The following NTRK3 variants were observed in gnomAD, a reference collection of about 807,000 sequenced individuals.
NTRK3 encodes the protein NT-3 growth factor receptor.
In NTRK3, 24 loss-of-function variants were observed where a neutral mutation model predicts 91.7. That is an observed-to-expected ratio of 0.26 (90% CI 0.19 to 0.37). NTRK3 has a LOEUF of 0.37. Among genes scored for constraint, NTRK3 ranks in the 10% least tolerant of loss-of-function variants. The pLI is 1.00. For synonymous variants in NTRK3, 483 were observed against 404.0 expected, an observed-to-expected ratio of 1.20 and a Z score of -2.34; for missense variants, 880 against 1,068.9, an observed-to-expected ratio of 0.82 and a Z score of 2.46.
intron 10 of NTRK3, among the ~76,000 whole-genome samples, chr15:88,129,856 T>G (rs1034048149): frequency 6.6e-6 from 1 of 152,172 alleles, no homozygotes; most frequent in Admixed American, 6.5e-5. Context: ...CCCCTAGTAC[T>G]TCAGAATGTG....
chr15:88,025,239 A>G (rs749739969), intron 14 of NTRK3, among the ~76,000 whole-genome samples: 6 of 152,244 alleles, frequency 3.9e-5, no homozygotes, highest in Non-Finnish European at 7.3e-5. Context: ...TATTCTTACC[A>G]CATGACCAGG....
chr15:88,239,510 A>G lies in NTRK3; in HGVS notation c.248+16396T>C, dbSNP rs146737981. Among the ~76,000 whole-genome samples, 4 of 152,296 alleles carry G rather than the reference A, an allele frequency of 2.6e-5. No individual in the cohort carries two copies. The East Asian group carries it at 7.7e-4, about 29-fold the overall frequency. ...GAGTCTGGAATGGCATTCTGTAACA[A>G]GTGTGTTTTCATCTCTCAACTACAG... On this transcript the variant is annotated intron_variant, in intron 3 of 18. Transcript: ENST00000394480.
At chr15:88,151,913 A>G (rs751555667) in intron 5 of NTRK3, among the ~76,000 whole-genome samples, 8 of 152,164 alleles carry the variant, frequency 5.3e-5, no homozygotes, top group Non-Finnish European at 5.9e-5. Context: ...CAGCTCCTGG[A>G]TGCTCACTCC....
chr15:88,212,602 A>T (rs181301409), intron 3 of NTRK3, among the ~76,000 whole-genome samples: 125 of 152,206 alleles, frequency 8.2e-4, no homozygotes, highest in Middle Eastern at 3.4e-3. Flanking sequence ...ACAGTAACTG[A>T]GACTTGCACT....
chr15:87,913,946 C>T (rs2067269817), intron 17 of NTRK3, among the ~76,000 whole-genome samples: 1 of 152,266 alleles, frequency 6.6e-6, no homozygotes, highest in African/African-American at 2.4e-5. Flanking sequence ...AAGAATGAGC[C>T]TTGGAACTGG....
intron 3 of NTRK3, among the ~76,000 whole-genome samples, chr15:88,191,318 G>T (rs1314624228): frequency 6.6e-6 from 1 of 152,088 alleles, no homozygotes; most frequent in Non-Finnish European, 1.5e-5. Flanking sequence ...CTACCGAGTA[G>T]CTGGGACTAT....
intron 10 of NTRK3, among the ~76,000 whole-genome samples, chr15:88,131,681 G>A (rs572375685): frequency 2.6e-5 from 4 of 152,346 alleles, no homozygotes; most frequent in Non-Finnish European, 4.4e-5. Flanking sequence ...ATATTCTCAC[G>A]TTAGCCAAAT....
chr15:88,196,084 T>C (rs114218219), intron 3 of NTRK3, among the ~76,000 whole-genome samples: 1 of 152,226 alleles, frequency 6.6e-6, no homozygotes, highest in Non-Finnish European at 1.5e-5. Flanking sequence ...TAAAGACTTA[T>C]GAGGGCAATA....
At chr15:88,031,825 T>C (rs915994716) in intron 14 of NTRK3, among the ~76,000 whole-genome samples, 28 of 152,090 alleles carry the variant, frequency 1.8e-4, no homozygotes, top group African/African-American at 5.8e-4. Flanking sequence ...GTACTCCAAG[T>C]ACAGAGAGCT....
chr15:87,994,966 C>T (rs1224031357), intron 14 of NTRK3, among the ~76,000 whole-genome samples: 1 of 152,162 alleles, frequency 6.6e-6, no homozygotes, highest in Non-Finnish European at 1.5e-5. Flanking sequence ...TAGATATAGA[C>T]ATGGATAGAT....
chr15:87,898,471 T>G (rs2066262279), intron 17 of NTRK3, among the ~76,000 whole-genome samples: 1 of 152,062 alleles, frequency 6.6e-6, no homozygotes, highest in Non-Finnish European at 1.5e-5. Flanking sequence ...TAAAGTGAAT[T>G]TTGAAGACAA....
intron 6 of NTRK3, among the ~76,000 whole-genome samples, chr15:88,143,655 C>G (rs1172241512): frequency 6.6e-6 from 1 of 152,004 alleles, no homozygotes; most frequent in Non-Finnish European, 1.5e-5. Flanking sequence ...GATTTGGGAA[C>G]AAAAAGAAGC....
intron 17 of NTRK3, among the ~76,000 whole-genome samples, chr15:87,896,862 C>T (rs1397352927): frequency 6.6e-6 from 1 of 152,172 alleles, no homozygotes; most frequent in Non-Finnish European, 1.5e-5. Flanking sequence ...CTCTCCTCTT[C>T]CCAGTAAAGC....
intron 5 of NTRK3, among the ~76,000 whole-genome samples, chr15:88,182,180 C>G (rs74027796): frequency 0.014 from 2,187 of 152,148 alleles, 51 homozygotes; most frequent in African/African-American, 0.048. Flanking sequence ...CTGTTCTTTC[C>G]AGAGAGAGAA....
At chr15:87,890,002 G>A (rs769126401) in intron 17 of NTRK3, among the ~76,000 whole-genome samples, 7 of 147,596 alleles carry the variant, frequency 4.7e-5, no homozygotes, top group Non-Finnish European at 9.0e-5. Context: ...GATGATCCCG[G>A]GTCACTTGTC....
chr15:87,886,707 TAC>T (rs1199661735), intron 17 of NTRK3, among the ~76,000 whole-genome samples: 8 of 140,204 alleles, frequency 5.7e-5, no homozygotes, highest in Admixed American at 1.4e-4. Context: ...TATACATATA[TAC>T]ACACACACAC....
Position 88,071,586 on chromosome 15 carries a change from A to G in NTRK3, c.1397-38541T>C, listed in dbSNP as rs942018711. 2.6e-5 allele frequency among the ~76,000 whole-genome samples: 4 copies of G among 152,236 alleles called. No homozygotes were observed. The South Asian group carries it at 8.3e-4, about 32-fold the overall frequency. On this transcript the variant is annotated intron_variant, in intron 13 of 18. Transcript: ENST00000394480. Reference sequence around the variant, plus strand: ...TGCACCTATTATGGTTAGGCAGCATACTGCTTGATTTTATGAACATAATTT... The same window carrying G: ...TGCACCTATTATGGTTAGGCAGCATGCTGCTTGATTTTATGAACATAATTT...
intron 14 of NTRK3, among the ~76,000 whole-genome samples, chr15:87,991,402 C>T (rs979827931): frequency 4.6e-5 from 7 of 152,182 alleles, no homozygotes; most frequent in Non-Finnish European, 2.9e-5. Flanking sequence ...GTGGGAAATG[C>T]TGCTCTAGCC....
chr15:87,919,388 G>T (rs1053419209), intron 17 of NTRK3, among the ~76,000 whole-genome samples: 4 of 152,128 alleles, frequency 2.6e-5, no homozygotes, highest in Admixed American at 2.6e-4. Flanking sequence ...GTTAGAGCCC[G>T]GTTCTTTGCA....
Sources: allele counts gnomAD v4.1 joint callset (sites outside exome capture counted in the v4.1 genomes callset), GRCh38; gene constraint gnomAD v4.1.1; transcripts MANE v1.5; gene names NCBI Gene and HGNC (gene_info 2026-07-23, HGNC 2026-07-21).